CHRM3: variants seen among roughly 807,000 people sequenced by gnomAD.
CHRM3 encodes cholinergic receptor muscarinic 3.
A neutral mutation model predicts 41.8 loss-of-function variants in CHRM3; 11 were observed. That is an observed-to-expected ratio of 0.26 (90% CI 0.17 to 0.44). CHRM3 has a LOEUF of 0.44. Among genes scored for constraint, CHRM3 ranks in the 20% least tolerant of loss-of-function variants. CHRM3 has a pLI of 1.00. For synonymous variants in CHRM3, 297 were observed against 301.4 expected (o/e 0.99, Z 0.15); for missense variants, 571 against 745.4 (o/e 0.77, Z 2.72).
intron 1 of CHRM3, among the ~76,000 whole-genome samples, chr1:239,407,440 A>AGAGAGAGAGAGAGAGAGC (rs1240463600): frequency 1.6e-4 from 24 of 150,182 alleles, no homozygotes; most frequent in Admixed American, 1.5e-3. Context: ...AGAGAGAGAG[A>AGAGAGAGAGAGAGAGAGC]GCGCTAAATT....
intron 3 of CHRM3, among the ~76,000 whole-genome samples, chr1:239,615,231 T>A (rs1667502828): frequency 6.6e-6 from 1 of 152,186 alleles, no homozygotes; most frequent in African/African-American, 2.4e-5. Context: ...CTACTTTATT[T>A]CATGCTTTCA....
chr1:239,571,932 T>A (rs542491767), intron 3 of CHRM3, among the ~76,000 whole-genome samples: 2 of 152,298 alleles, frequency 1.3e-5, no homozygotes, highest in African/African-American at 4.8e-5. Context: ...CTTTGACTTC[T>A]TTTCCCAAGC....
chr1:239,496,702 T>C (rs1264599184), intron 2 of CHRM3, among the ~76,000 whole-genome samples: 1 of 152,156 alleles, frequency 6.6e-6, no homozygotes. Flanking sequence ...TATACAAATT[T>C]AATGTATATA....
chr1:239,600,619 T>C (rs1294010357), intron 3 of CHRM3, among the ~76,000 whole-genome samples: 2 of 152,056 alleles, frequency 1.3e-5, no homozygotes, highest in African/African-American at 4.8e-5. Context: ...TTGACTCACA[T>C]GTGCAACAAC....
At position 239,821,271 on chromosome 1, in the gene CHRM3, A is replaced by G. The variant is rs115970950; in HGVS notation, c.-146-5981A>G. On this transcript the variant is annotated intron_variant, in intron 5 of 6. Coordinates refer to ENST00000676153, the MANE Select transcript of CHRM3 (RefSeq NM_001375978.1). ...TGAGTCTCTAATGAGACATATACAC[A>G]TTGATCTCTGTTTTATCTGACATAA... Among the ~76,000 whole-genome samples, 846 of 152,302 alleles carry G rather than the reference A, an allele frequency of 5.6e-3. 5 individuals are homozygous for G. Among genetic ancestry groups the G allele is most frequent in the Middle Eastern group, 0.051 (15 of 294 alleles).
chr1:239,666,783 T>G (rs182533108), intron 4 of CHRM3, among the ~76,000 whole-genome samples: 1 of 152,264 alleles, frequency 6.6e-6, no homozygotes, highest in East Asian at 1.9e-4. Flanking sequence ...ACCCAGGAAG[T>G]GAGCATAGTG....
intron 5 of CHRM3, among the ~76,000 whole-genome samples, chr1:239,781,746 T>A (rs1464836705): frequency 6.6e-6 from 1 of 152,156 alleles, no homozygotes; most frequent in Non-Finnish European, 1.5e-5. Context: ...TGATATTAGT[T>A]GTGAAATTTT....
chr1:239,760,582 C>T (rs138426558), intron 5 of CHRM3, among the ~76,000 whole-genome samples: 3 of 152,148 alleles, frequency 2.0e-5, no homozygotes, highest in Non-Finnish European at 4.4e-5. Flanking sequence ...CCCTCATGAG[C>T]TCCTCTTCTC....
At chr1:239,556,394 G>GT (rs775561191) in intron 3 of CHRM3, among the ~76,000 whole-genome samples, 2 of 152,018 alleles carry the variant, frequency 1.3e-5, no homozygotes, top group Non-Finnish European at 2.9e-5. Context: ...TCGTCTCATG[G>GT]TTTTTTTGAC....
intron 3 of CHRM3, among the ~76,000 whole-genome samples, chr1:239,621,237 C>T (rs2355228): frequency 0.19 from 28,598 of 152,076 alleles, 2,888 homozygotes; most frequent in African/African-American, 0.22. Flanking sequence ...TGAATGTGTT[C>T]TGACTGCTCC....
chr1:239,499,090 A>G (rs958710741), intron 2 of CHRM3, among the ~76,000 whole-genome samples: 4 of 152,132 alleles, frequency 2.6e-5, no homozygotes, highest in African/African-American at 9.7e-5. Context: ...GGTATCTTTC[A>G]GTTTTGAAAG....
intron 3 of CHRM3, among the ~76,000 whole-genome samples, chr1:239,556,648 A>C (rs1252343295): frequency 1.3e-5 from 2 of 152,202 alleles, no homozygotes; most frequent in African/African-American, 2.4e-5. Context: ...AGCCTGTTAA[A>C]GTACATTAGA....
chr1:239,655,978 CA>C (rs1573154954), intron 4 of CHRM3, among the ~76,000 whole-genome samples: 1 of 152,002 alleles, frequency 6.6e-6, no homozygotes, highest in African/African-American at 2.4e-5. Flanking sequence ...AATGCAGCCA[CA>C]AAAAAGGACA....
intron 3 of CHRM3, among the ~76,000 whole-genome samples, chr1:239,548,520 ATTC>A (rs1197295611): frequency 2.0e-5 from 3 of 152,148 alleles, no homozygotes; most frequent in Non-Finnish European, 4.4e-5. Context: ...ACACCCATTT[ATTC>A]TTCTTCTTGT....
Position 239,745,424 on chromosome 1 carries a change from T to C in CHRM3, c.-147+67136T>C, listed in dbSNP as rs1357306471. 4.6e-5 allele frequency among the ~76,000 whole-genome samples: 7 copies of C among 151,550 alleles called. No individual in the cohort carries two copies. In the South Asian group the frequency reaches 1.3e-3, roughly 27 times the overall value. On this transcript the variant is annotated intron_variant, in intron 5 of 6. Transcript: ENST00000676153. ...AGTCAAAAGCTATGGAAAGGTTGTATGCACCTTTTCCTGTCAAAAAAAAAA... is the reference window on the plus strand; with the variant it reads ...AGTCAAAAGCTATGGAAAGGTTGTACGCACCTTTTCCTGTCAAAAAAAAAA...
At chr1:239,400,106 G>T (rs1009081551) in intron 1 of CHRM3, among the ~76,000 whole-genome samples, 1 of 151,932 alleles carries the variant, frequency 6.6e-6, no homozygotes, top group Non-Finnish European at 1.5e-5. Context: ...ATAGGGTTTC[G>T]CCATGTTGGC....
intron 6 of CHRM3, among the ~76,000 whole-genome samples, chr1:239,868,485 A>T (rs1676305878): frequency 6.6e-6 from 1 of 152,072 alleles, no homozygotes; most frequent in Non-Finnish European, 1.5e-5. Context: ...GATGACTGAG[A>T]CAGATACAGA....
At chr1:239,422,960 T>C (rs1422057564) in intron 1 of CHRM3, among the ~76,000 whole-genome samples, 1 of 152,036 alleles carries the variant, frequency 6.6e-6, no homozygotes, top group Non-Finnish European at 1.5e-5. Context: ...AAAAGAATGA[T>C]AGGAGAGGGC....
chr1:239,692,054 C>T (rs567085041), intron 5 of CHRM3, among the ~76,000 whole-genome samples: 6 of 152,312 alleles, frequency 3.9e-5, no homozygotes, highest in South Asian at 2.1e-4. Flanking sequence ...AAATCTACTC[C>T]GGTTTCCTTC....
Sources: allele counts gnomAD v4.1 joint callset (sites outside exome capture counted in the v4.1 genomes callset), GRCh38; gene constraint gnomAD v4.1.1; transcripts MANE v1.5; gene names NCBI Gene and HGNC (gene_info 2026-07-23, HGNC 2026-07-21).